Variants in WDR88 observed in about 807,000 individuals in gnomAD.
The protein encoded by WDR88 is WD repeat-containing protein 88.
Under a neutral mutation model 46.8 loss-of-function variants are expected in WDR88, and 40 were observed. The ratio of observed to expected loss-of-function variants is 0.86; its 90% CI spans 0.66 to 1.11. WDR88 has a LOEUF of 1.11. WDR88 is among the 50% of genes most tolerant of loss of function. The probability of loss-of-function intolerance (pLI) is 0.00; values close to 1 mark genes in which losing one functional copy is unlikely to be tolerated. For synonymous variants in WDR88, 235 were observed against 240.7 expected, an observed-to-expected ratio of 0.98 and a Z score of 0.22; for missense variants, 562 against 602.4, an observed-to-expected ratio of 0.93 and a Z score of 0.70.
rs530683277 is a variant in WDR88 at position 33,132,137 on chromosome 19, T to C, written c.-33T>C. 4 of 1,555,724 alleles carry C rather than the reference T, an allele frequency of 2.6e-6. No homozygotes were observed. The highest frequency in any genetic ancestry group is 1.2e-5 in the South Asian group (1 of 85,428). ...GCGGCGCCACCGTTCCCATCCAGGCTTGTCGGCGGCCACCGGCGGACCGGG... is the reference window on the plus strand; with the variant it reads ...GCGGCGCCACCGTTCCCATCCAGGCCTGTCGGCGGCCACCGGCGGACCGGG... On this transcript the variant is annotated 5_prime_UTR_variant, in exon 1 of 11. Transcript: ENST00000355868.
In WDR88 at chr19:33,175,629, G is replaced by A; in HGVS notation, c.*57G>A. ...CAGGCTACCTAGCATGTAGGTTTCG[G>A]GGCTTTGCAGGGGCTTTCTCTTGGG... On this transcript the variant is annotated 3_prime_UTR_variant, in exon 11 of 11. Transcript: ENST00000355868. The A allele has an allele frequency of 6.3e-7, 1 of 1,596,928 alleles. No homozygotes were observed. Among genetic ancestry groups the A allele is most frequent in the Non-Finnish European group, 8.5e-7 (1 of 1,169,784 alleles).
At chr19:33,150,781 C>T (rs970185876) in intron 5 of WDR88, among the ~76,000 whole-genome samples, 1 of 152,136 alleles carries the variant, frequency 6.6e-6, no homozygotes, top group Non-Finnish European at 1.5e-5. Context: ...CAGGCCTTTG[C>T]AAGCACTGTT....
At chr19:33,158,746 C>T (rs1466599747) in intron 7 of WDR88, among the ~76,000 whole-genome samples, 1 of 152,204 alleles carries the variant, frequency 6.6e-6, no homozygotes, top group African/African-American at 2.4e-5. Flanking sequence ...GTTGCCCAGG[C>T]TGGAGCGCAG....
intron 6 of WDR88, among the ~76,000 whole-genome samples, chr19:33,155,820 T>C (rs1774350832): frequency 6.6e-6 from 1 of 152,200 alleles, no homozygotes; most frequent in Admixed American, 6.5e-5. Context: ...TTGTCACAAC[T>C]GGGTGTGGGG....
intron 1 of WDR88, among the ~76,000 whole-genome samples, chr19:33,135,479 C>T (rs772822141): frequency 4.6e-5 from 7 of 152,148 alleles, no homozygotes; most frequent in East Asian, 3.9e-4. Flanking sequence ...AGTGCAGTGG[C>T]GTGATCTTGG....
In WDR88 at chr19:33,141,377, A is replaced by G. The variant is rs1973392319; in HGVS notation, c.388-3467A>G. Among the ~76,000 whole-genome samples, 4 of 151,786 alleles carry G rather than the reference A, an allele frequency of 2.6e-5. No individual in the cohort carries two copies. In the South Asian group the frequency reaches 8.3e-4, roughly 31 times the overall value. Reference sequence around the variant, plus strand: ...CCTGAGTATCTGGGACTGCAGGAACAGGCTGCCATGCCCAGCTAATATTAT... The same window carrying G: ...CCTGAGTATCTGGGACTGCAGGAACGGGCTGCCATGCCCAGCTAATATTAT... On this transcript the variant is annotated intron_variant, in intron 2 of 10. Transcript: ENST00000355868.
intron 10 of WDR88, among the ~76,000 whole-genome samples, chr19:33,172,971 A>G (rs1254005805): frequency 6.6e-6 from 1 of 151,782 alleles, no homozygotes; most frequent in Non-Finnish European, 1.5e-5. Context: ...GCACACCTGT[A>G]CTACCAGCTA....
At chr19:33,135,058 G>GC (rs1973233110) in intron 1 of WDR88, among the ~76,000 whole-genome samples, 1 of 149,096 alleles carries the variant, frequency 6.7e-6, no homozygotes, top group African/African-American at 2.4e-5. Flanking sequence ...TGGGTGGGTG[G>GC]GGGGGGTGAC....
At chr19:33,156,878 CTCTG>C (rs1327041819) in intron 7 of WDR88, among the ~76,000 whole-genome samples, 1 of 152,150 alleles carries the variant, frequency 6.6e-6, no homozygotes, top group Non-Finnish European at 1.5e-5. Context: ...CCTAGCTTCC[CTCTG>C]TATCAGCCTT....
intron 5 of WDR88, among the ~76,000 whole-genome samples, chr19:33,150,786 A>C (rs534455341): frequency 6.6e-6 from 1 of 152,344 alleles, no homozygotes; most frequent in Admixed American, 6.5e-5. Flanking sequence ...CTTTGCAAGC[A>C]CTGTTCCTTC....
chr19:33,140,522 G>T (rs1333371016), intron 2 of WDR88, among the ~76,000 whole-genome samples: 1 of 152,158 alleles, frequency 6.6e-6, no homozygotes, highest in Non-Finnish European at 1.5e-5. Flanking sequence ...GGGCGCAGTG[G>T]CTCATGCCTG....
At chr19:33,160,685 C>T (rs1973850516) in intron 8 of WDR88, among the ~76,000 whole-genome samples, 189 bp downstream of exon 8, 1 of 152,196 alleles carries the variant, frequency 6.6e-6, no homozygotes, top group African/African-American at 2.4e-5. Flanking sequence ...GAAACCACAA[C>T]AGGGTGACAT....
chr19:33,172,720 G>C (rs952554028), intron 10 of WDR88, among the ~76,000 whole-genome samples: 1 of 152,140 alleles, frequency 6.6e-6, no homozygotes, highest in Non-Finnish European at 1.5e-5. Flanking sequence ...AGGGTGGTCA[G>C]GATAGGTCTC....
intron 5 of WDR88, among the ~76,000 whole-genome samples, chr19:33,149,257 G>A (rs903206848): frequency 1.3e-5 from 2 of 152,096 alleles, no homozygotes; most frequent in African/African-American, 2.4e-5. Flanking sequence ...CGGAGGTGGA[G>A]ATTGTATTGA....
At position 33,163,119 on chromosome 19, in the gene WDR88, G is replaced by A. The variant is rs555577113; in HGVS notation, c.1081-1078G>A. ...GAGGCCGAGGCAGGCAGATCACGAAGTCAGAAGATCGAGACCATCCTGGCT... is the reference window on the plus strand; with the variant it reads ...GAGGCCGAGGCAGGCAGATCACGAAATCAGAAGATCGAGACCATCCTGGCT... On this transcript the variant is annotated intron_variant, in intron 8 of 10. Transcript: ENST00000355868. Among the ~76,000 whole-genome samples the A allele has an allele frequency of 2.6e-5, 4 of 152,206 alleles. No homozygotes were observed. In the South Asian group the frequency reaches 8.3e-4, roughly 32 times the overall value.
intron 9 of WDR88, among the ~76,000 whole-genome samples, chr19:33,169,286 CAAG>C (rs1311197676): frequency 2.0e-5 from 3 of 152,062 alleles, no homozygotes; most frequent in Non-Finnish European, 2.9e-5. Flanking sequence ...AGGATACTGT[CAAG>C]AAAGCAAAAA....
chr19:33,150,167 A>G (rs1973603935), intron 5 of WDR88, among the ~76,000 whole-genome samples: 1 of 151,798 alleles, frequency 6.6e-6, no homozygotes, highest in South Asian at 2.1e-4. Flanking sequence ...GACATTCATT[A>G]TGGGCTGGGC....
chr19:33,143,996 A>C (rs1973456341), intron 2 of WDR88, among the ~76,000 whole-genome samples: 1 of 152,060 alleles, frequency 6.6e-6, no homozygotes, highest in African/African-American at 2.4e-5. Context: ...GTCCACAGGG[A>C]TGGGGTCGTG....
Position 33,172,542 on chromosome 19 carries a change from G to A in WDR88, c.1242+102G>A, listed in dbSNP as rs1974055715. The A allele has an allele frequency of 6.3e-6, 6 of 949,532 alleles. No individual in the cohort carries two copies. The Admixed American group carries it at 7.5e-5, about 12-fold the overall frequency. 58.8% of individuals were successfully genotyped at this position (949,532 alleles called of 1,614,324 possible). On this transcript the variant is annotated intron_variant, in intron 10 of 10. Coordinates refer to ENST00000355868, the MANE Select transcript of WDR88 (RefSeq NM_173479.4). ...ACTTTGGGCACCTGGAGATGCAATC[G>A]TGAACAAACAGACTGACATTTTTGC...
Sources: allele counts gnomAD v4.1 joint callset (sites outside exome capture counted in the v4.1 genomes callset), GRCh38; gene constraint gnomAD v4.1.1; transcripts MANE v1.5; gene names NCBI Gene and HGNC (gene_info 2026-07-23, HGNC 2026-07-21).